Variants in KCNMA1 observed in about 807,000 individuals in gnomAD.
KCNMA1 encodes the protein potassium calcium-activated channel subfamily M alpha 1.
KCNMA1 carries 29 observed loss-of-function variants against 140.0 expected under a neutral mutation model. The observed-to-expected ratio is 0.21, with a 90% CI of 0.15 to 0.28. KCNMA1 has a LOEUF of 0.28. Among genes scored for constraint, KCNMA1 ranks in the 10% least tolerant of loss-of-function variants. The pLI, the probability that KCNMA1 is intolerant of heterozygous loss-of-function variation, is 1.00. For missense variants in KCNMA1, 880 were observed against 1,602.2 expected, an observed-to-expected ratio of 0.55 and a Z score of 7.70; for synonymous variants, 612 against 611.9, an observed-to-expected ratio of 1.00 and a Z score of 0.00.
At chr10:77,442,014 C>T (rs777933638) in intron 1 of KCNMA1, among the ~76,000 whole-genome samples, 1 of 152,122 alleles carries the variant, frequency 6.6e-6, no homozygotes, top group African/African-American at 2.4e-5. Flanking sequence ...GTCTCAACTG[C>T]GCCAGCAAGG....
chr10:77,433,846 T>A (rs1295149406), intron 1 of KCNMA1: 3 of 152,182 alleles, frequency 2.0e-5, no homozygotes, highest in African/African-American at 7.2e-5. Context: ...GCTGATCGAT[T>A]TCATTTTTTG....
chr10:77,564,591 A>G (rs1458250520), intron 1 of KCNMA1, among the ~76,000 whole-genome samples: 1 of 152,144 alleles, frequency 6.6e-6, no homozygotes, highest in African/African-American at 2.4e-5. Flanking sequence ...TCAAAAATAA[A>G]TTTAAATTTA....
intron 9 of KCNMA1, among the ~76,000 whole-genome samples, chr10:77,094,478 G>A (rs1481073024): frequency 6.6e-6 from 1 of 152,112 alleles, no homozygotes; most frequent in Non-Finnish European, 1.5e-5. Context: ...CAAGGGAGAG[G>A]TTTAGTCTGG....
At chr10:76,995,639 T>A (rs1205433970) in intron 19 of KCNMA1, 2 of 470,828 alleles carry the variant, frequency 4.2e-6, no homozygotes, top group Non-Finnish European at 8.8e-6. Flanking sequence ...CCCTCCACCA[T>A]GGAGGTAAGA....
intron 1 of KCNMA1, among the ~76,000 whole-genome samples, chr10:77,533,388 T>TGATTA (rs2058146723): frequency 6.6e-6 from 1 of 152,188 alleles, no homozygotes; most frequent in Non-Finnish European, 1.5e-5. Context: ...CCCTAGTCAA[T>TGATTA]GATTACATGA....
chr10:77,434,770 C>G (rs779353441), intron 1 of KCNMA1, among the ~76,000 whole-genome samples: 7 of 152,144 alleles, frequency 4.6e-5, no homozygotes, highest in Non-Finnish European at 1.0e-4. Flanking sequence ...TGTTATTTGT[C>G]ACTGGTGGGG....
intron 2 of KCNMA1, among the ~76,000 whole-genome samples, chr10:77,384,007 G>A (rs929947297): frequency 1.3e-5 from 2 of 152,244 alleles, no homozygotes; most frequent in Admixed American, 6.5e-5. Flanking sequence ...TGAAAGATTT[G>A]TGCGTCACCA....
At chr10:77,553,072 C>T (rs949998777) in intron 1 of KCNMA1, among the ~76,000 whole-genome samples, 6 of 151,204 alleles carry the variant, frequency 4.0e-5, no homozygotes, top group Admixed American at 3.3e-4. Flanking sequence ...AAAAAAACGC[C>T]GGGTGGCGGG....
At chr10:77,228,119 C>T (rs2052195588) in intron 3 of KCNMA1, among the ~76,000 whole-genome samples, 1 of 152,018 alleles carries the variant, frequency 6.6e-6, no homozygotes, top group Non-Finnish European at 1.5e-5. Flanking sequence ...CACGTGCCAC[C>T]ACGCCTGGCT....
intron 23 of KCNMA1, among the ~76,000 whole-genome samples, chr10:76,923,096 A>G (rs1269736788): frequency 6.6e-6 from 1 of 152,128 alleles, no homozygotes; most frequent in Non-Finnish European, 1.5e-5. Context: ...AAAGTGCCCC[A>G]TCCTTTTTAG....
At chr10:76,961,020 A>G (rs1367080214) in intron 20 of KCNMA1, among the ~76,000 whole-genome samples, 3 of 151,910 alleles carry the variant, frequency 2.0e-5, no homozygotes, top group Non-Finnish European at 2.9e-5. Context: ...TAGCCCATGG[A>G]TCAAGGGGTA....
At chr10:76,962,881 A>G (rs974325796) in intron 20 of KCNMA1, among the ~76,000 whole-genome samples, 4 of 152,186 alleles carry the variant, frequency 2.6e-5, no homozygotes, top group African/African-American at 9.6e-5. Context: ...AAACGTGTGC[A>G]GTGAGAACCC....
At chr10:77,488,795 C>T (rs1255235607) in intron 1 of KCNMA1, among the ~76,000 whole-genome samples, 2 of 152,206 alleles carry the variant, frequency 1.3e-5, no homozygotes, top group Non-Finnish European at 2.9e-5. Context: ...ACACTCTGTT[C>T]CCCAATCAGG....
At chr10:77,033,806 G>A (rs961576720) in intron 15 of KCNMA1, among the ~76,000 whole-genome samples, 1 of 152,040 alleles carries the variant, frequency 6.6e-6, no homozygotes, top group East Asian at 1.9e-4. Context: ...GCTCATAGAA[G>A]GTCACCTCTT....
At chr10:77,532,597 C>T (rs1164020819) in intron 1 of KCNMA1, among the ~76,000 whole-genome samples, 1 of 152,166 alleles carries the variant, frequency 6.6e-6, no homozygotes, top group Non-Finnish European at 1.5e-5. Context: ...AAAGAGAAAA[C>T]ATGAACACTA....
intron 6 of KCNMA1, among the ~76,000 whole-genome samples, chr10:77,114,704 G>A (rs576082319): frequency 4.6e-5 from 7 of 152,202 alleles, no homozygotes; most frequent in East Asian, 1.9e-4. Flanking sequence ...GACTTTCCCC[G>A]GCTCTCAACT....
rs202232832 is a variant in KCNMA1, at chr10:77,215,961, A to G, written c.603-31045T>C. ...GTGAGGACACAGCAAGAAGGTGGCC[A>G]TCTGCAACCCTGGAAGAGAGCCCTC... On this transcript the variant is annotated intron_variant, in intron 3 of 27. Coordinates refer to ENST00000286628, the MANE Select transcript of KCNMA1 (RefSeq NM_001161352.2). Among the ~76,000 whole-genome samples, 18 of 150,590 alleles carry G rather than the reference A, an allele frequency of 1.2e-4. No individual in the cohort carries two copies. In the East Asian group the frequency reaches 3.5e-3, roughly 30 times the overall value.
Position 77,108,494 on chromosome 10 carries a change from C to G in KCNMA1, c.1210G>C (p.Val404Leu). The G allele has an allele frequency of 6.2e-7, 1 of 1,613,622 alleles. No individual in the cohort carries two copies. Among genetic ancestry groups the G allele is most frequent in the Non-Finnish European group, 8.5e-7 (1 of 1,179,708 alleles). ...TGGCATACTTACTTTCTTCCACTAACCGCACTATAGGAGCCCCCGTATTTC... is the reference window on the plus strand; with the variant it reads ...TGGCATACTTACTTTCTTCCACTAAGCGCACTATAGGAGCCCCCGTATTTC... ...RKKYGGSYSAVSGRKHIVVCG... is the reference protein window; with the variant it reads ...RKKYGGSYSALSGRKHIVVCG... Residue 404 changes from valine (V) to leucine (L), a missense_variant, in exon 9 of 28, where the codon GTT becomes CTT. Coordinates refer to ENST00000286628, the MANE Select transcript of KCNMA1 (RefSeq NM_001161352.2). The surrounding 1 kb of genome is among the most constrained non-coding windows in gnomAD (Gnocchi z 4.6).
At chr10:76,875,043 T>G (rs2032102902), downstream of KCNMA1, 2 of 152,268 alleles carry the variant, frequency 1.3e-5, no homozygotes, top group Admixed American at 6.5e-5. Context: ...GACAGACTGT[T>G]GCAGTGGAGA....
Sources: gnomAD v4.1 joint callset for allele counts (sites outside exome capture counted in the v4.1 genomes callset) on GRCh38, gnomAD v4.1.1 for gene constraint, Gnocchi (gnomAD v3.1) non-coding constraint, MANE v1.5 for transcripts, NCBI Gene and HGNC (gene_info 2026-07-23, HGNC 2026-07-21) for gene names.